Variants in EVL observed in about 807,000 individuals in gnomAD.
EVL encodes the protein Enah/Vasp-like.
EVL carries 21 observed loss-of-function variants against 59.6 expected under a neutral mutation model. The ratio of observed to expected loss-of-function variants is 0.35; its 90% CI spans 0.25 to 0.51. EVL has a LOEUF of 0.51. Among genes scored for constraint, EVL ranks in the 20% least tolerant of loss-of-function variants. EVL has a pLI of 0.97. For missense variants in EVL, 462 were observed against 546.6 expected (o/e 0.85, Z 1.54); for synonymous variants, 198 against 203.5 (o/e 0.97, Z 0.23).
intron 3 of EVL, among the ~76,000 whole-genome samples, chr14:100,098,639 A>C (rs191589267): frequency 1.1e-3 from 171 of 152,296 alleles, no homozygotes; most frequent in African/African-American, 4.0e-3. Context: ...TGGAGGGAGA[A>C]ACAAGGCTTT....
intron 1 of EVL, among the ~76,000 whole-genome samples, chr14:100,056,536 T>C (rs2061736430): frequency 1.3e-5 from 2 of 152,232 alleles, no homozygotes; most frequent in Non-Finnish European, 1.5e-5. Flanking sequence ...TCATTTGTTA[T>C]CTGTCTTTTA....
chr14:100,058,003 C>T (rs2061761040), intron 1 of EVL, among the ~76,000 whole-genome samples: 1 of 152,164 alleles, frequency 6.6e-6, no homozygotes, highest in Non-Finnish European at 1.5e-5. Context: ...ATTATACAAA[C>T]ATAATTCATT....
At chr14:100,036,654 A>T (rs886681417) in intron 1 of EVL, among the ~76,000 whole-genome samples, 3 of 152,246 alleles carry the variant, frequency 2.0e-5, no homozygotes, top group Non-Finnish European at 2.9e-5. Context: ...AAGAAAAATA[A>T]AAAAGCAGAC....
At chr14:100,123,389 A>G (rs1801739921) in intron 3 of EVL, 150 bp from the exon 4 acceptor site, 1 of 682,016 alleles carries the variant, frequency 1.5e-6, no homozygotes, top group Non-Finnish European at 2.6e-6. Flanking sequence ...TGAGTGATGC[A>G]CAGGTGTGAG....
chr14:100,073,720 A>C (rs923509571), intron 1 of EVL, among the ~76,000 whole-genome samples: 1 of 152,202 alleles, frequency 6.6e-6, no homozygotes, highest in Admixed American at 6.5e-5. Context: ...AAATCCGTGG[A>C]GGCTGAGAAA....
At chr14:100,036,372 T>A (rs2061388691) in intron 1 of EVL, among the ~76,000 whole-genome samples, 1 of 152,204 alleles carries the variant, frequency 6.6e-6, no homozygotes, top group Non-Finnish European at 1.5e-5. Context: ...TTCTTTTTTC[T>A]GGGATCAAGA....
intron 1 of EVL, among the ~76,000 whole-genome samples, chr14:100,023,170 A>G (rs927170730): frequency 4.0e-5 from 6 of 150,552 alleles, no homozygotes; most frequent in Non-Finnish European, 7.4e-5. Flanking sequence ...CTCTTGGGGT[A>G]GACACAGGTC....
At chr14:100,058,197 T>A (rs766549022) in intron 1 of EVL, among the ~76,000 whole-genome samples, 1 of 152,236 alleles carries the variant, frequency 6.6e-6, no homozygotes, top group Non-Finnish European at 1.5e-5. Flanking sequence ...AGCTCTGTGA[T>A]TTATTTTCAG....
At chr14:100,086,411 G>A (rs969028860) in intron 2 of EVL, among the ~76,000 whole-genome samples, 5 of 152,198 alleles carry the variant, frequency 3.3e-5, no homozygotes, top group Non-Finnish European at 1.5e-5. Context: ...ATACCTCCAT[G>A]TCTTTGACAC....
At chr14:100,016,559 A>C (rs1259809232) in intron 1 of EVL, among the ~76,000 whole-genome samples, 1 of 152,216 alleles carries the variant, frequency 6.6e-6, no homozygotes, top group Non-Finnish European at 1.5e-5. Context: ...CCTGGGCAAA[A>C]GAGCGAGACT....
intron 1 of EVL, among the ~76,000 whole-genome samples, chr14:99,976,672 C>A (rs1191026): frequency 2.6e-5 from 4 of 152,052 alleles, no homozygotes; most frequent in Non-Finnish European, 5.9e-5. Context: ...GGAGCACTTA[C>A]AATTGGCGTT....
chr14:100,034,253 AAAAG>A (rs903390272), intron 1 of EVL, among the ~76,000 whole-genome samples: 8 of 151,438 alleles, frequency 5.3e-5, no homozygotes, highest in South Asian at 2.1e-4. Flanking sequence ...AAAAAAAAGA[AAAAG>A]AAAAGAAAAA....
intron 1 of EVL, among the ~76,000 whole-genome samples, chr14:99,982,266 C>A (rs1170251572): frequency 6.6e-6 from 1 of 152,080 alleles, no homozygotes; most frequent in Admixed American, 6.5e-5. Flanking sequence ...TTCCCCCTTA[C>A]TAAATATTCT....
intron 5 of EVL, among the ~76,000 whole-genome samples, chr14:100,128,051 C>G (rs1013809272): frequency 2.0e-5 from 3 of 152,168 alleles, no homozygotes; most frequent in African/African-American, 7.2e-5. Context: ...TGACCCATGC[C>G]CCCAGTCGGC....
intron 1 of EVL, among the ~76,000 whole-genome samples, chr14:99,995,601 G>A (rs1318767534): frequency 1.3e-5 from 2 of 152,100 alleles, no homozygotes. Context: ...TTTAGGGTTA[G>A]TTTCTGGAGA....
chr14:100,058,116 AAAGTTGACTT>A (rs1342526085), intron 1 of EVL, among the ~76,000 whole-genome samples: 1 of 152,254 alleles, frequency 6.6e-6, no homozygotes, highest in Non-Finnish European at 1.5e-5. Flanking sequence ...TCCACAGAAG[AAAGTTGACTT>A]TCCCAAGTCA....
At chr14:100,110,366 G>A (rs1046479540) in intron 3 of EVL, among the ~76,000 whole-genome samples, 3 of 151,104 alleles carry the variant, frequency 2.0e-5, no homozygotes, top group Non-Finnish European at 4.4e-5. Flanking sequence ...AGAGCAAGAC[G>A]CTGTCTCAGG....
intron 3 of EVL, among the ~76,000 whole-genome samples, chr14:100,121,515 A>T (rs1887698332): frequency 6.6e-6 from 1 of 152,230 alleles, no homozygotes; most frequent in Admixed American, 6.5e-5. Flanking sequence ...GAAGAATGGC[A>T]AGCCTTACGT....
At chr14:100,040,341 C>CCT (rs1410729421) in intron 1 of EVL, among the ~76,000 whole-genome samples, 1 of 152,146 alleles carries the variant, frequency 6.6e-6, no homozygotes, top group African/African-American at 2.4e-5. Flanking sequence ...CGCCCTGTAT[C>CCT]CTCTCCTCAG....
Sources: allele counts gnomAD v4.1 joint callset (sites outside exome capture counted in the v4.1 genomes callset), GRCh38; gene constraint gnomAD v4.1.1; transcripts MANE v1.5; gene names NCBI Gene and HGNC (gene_info 2026-07-23, HGNC 2026-07-21).